Variants in ARSG observed in about 807,000 individuals in gnomAD.
The protein encoded by ARSG is ASG.
Under a neutral mutation model 50.5 loss-of-function variants are expected in ARSG, and 37 were observed. The observed-to-expected ratio is 0.73, with a 90% CI of 0.56 to 0.96. The LOEUF (loss-of-function observed/expected upper bound fraction) is 0.96, where lower values mean the gene tolerates loss of function less well. Among genes scored for constraint, ARSG ranks in the 50% least tolerant of loss-of-function variants. The pLI is 0.00. For synonymous variants in ARSG, 225 were observed against 254.6 expected (o/e 0.88, Z 1.11); for missense variants, 629 against 675.3 (o/e 0.93, Z 0.76).
At chr17:68,262,857 GT>G in intron 1 of ARSG, among the ~76,000 whole-genome samples, 1 of 152,328 alleles carries the variant, frequency 6.6e-6, no homozygotes, top group East Asian at 1.9e-4. Context: ...AAGATGCCTA[GT>G]TTTATATCCA....
intron 1 of ARSG, among the ~76,000 whole-genome samples, chr17:68,272,384 C>T (rs2075371245): frequency 6.6e-6 from 1 of 152,178 alleles, no homozygotes; most frequent in East Asian, 1.9e-4. Flanking sequence ...TTCTGGAATG[C>T]ATGTGTCAAG....
chr17:68,343,725 C>G lies in ARSG; in HGVS notation c.340C>G (p.Leu114Val). ...CTTTGCAGTCACTTCTGTGGGAGGC[C>G]TTCCGCTCAACGAGACCACCTTGGC... ...RNFAVTSVGG[L>V]PLNETTLAEV... The change falls in exon 3 of 12, where the codon CTT becomes GTT. Residue 114 changes from leucine to valine, a missense_variant. Leu to Val is a conservative substitution (Grantham distance 32, BLOSUM62 1). Coordinates refer to ENST00000621439, the MANE Select transcript of ARSG (RefSeq NM_001267727.2). 6.2e-7 allele frequency: 1 copy of G among 1,614,176 alleles called. No homozygotes were observed. The highest frequency in any genetic ancestry group is 8.5e-7 in the Non-Finnish European group (1 of 1,180,012).
chr17:68,287,675 G>A (rs1417648031), upstream of ARSG, among the ~76,000 whole-genome samples: 2 of 152,014 alleles, frequency 1.3e-5, no homozygotes, highest in African/African-American at 2.4e-5. Context: ...CCTGAACCCC[G>A]TCCTACCCCC....
chr17:68,389,013 GAC>G (rs1432557367), intron 9 of ARSG, among the ~76,000 whole-genome samples: 1 of 152,034 alleles, frequency 6.6e-6, no homozygotes, highest in Non-Finnish European at 1.5e-5. Context: ...GGCTCTGAAA[GAC>G]AGTCAGGTGT....
intron 8 of ARSG, among the ~76,000 whole-genome samples, chr17:68,382,626 G>A (rs1457456717): frequency 6.6e-6 from 1 of 152,172 alleles, no homozygotes; most frequent in African/African-American, 2.4e-5. Flanking sequence ...CATAATTAGA[G>A]TACACAATCC....
At chr17:68,269,141 A>C in intron 1 of ARSG, 1 of 1,518,446 alleles carries the variant, frequency 6.6e-7, no homozygotes, top group South Asian at 1.3e-5. Context: ...CATTTTTTGC[A>C]AGATCCATTT....
At chr17:68,401,283 A>T in intron 10 of ARSG, 77 bp from the exon 11 acceptor site, 1 of 1,317,304 alleles carries the variant, frequency 7.6e-7, no homozygotes, top group African/African-American at 1.5e-5. Context: ...TCGACCTCCC[A>T]AGGTATTGGG....
At chr17:68,315,443 C>T (rs1280356421) in intron 2 of ARSG, among the ~76,000 whole-genome samples, 2 of 151,948 alleles carry the variant, frequency 1.3e-5, no homozygotes, top group Admixed American at 6.6e-5. Flanking sequence ...AGGAGGATTG[C>T]TTGAGCCCAG....
At chr17:68,267,956 TA>T (rs753226498) in intron 1 of ARSG, 3 of 152,220 alleles carry the variant, frequency 2.0e-5, no homozygotes, top group Non-Finnish European at 4.4e-5. Context: ...AGAAATGCTT[TA>T]ACAATTCTCT....
chr17:68,416,423 C>G (rs1035029539), intron 11 of ARSG, among the ~76,000 whole-genome samples: 3 of 151,972 alleles, frequency 2.0e-5, no homozygotes, highest in African/African-American at 7.3e-5. Context: ...GTATTTTTGT[C>G]TCATGTTTTT....
At chr17:68,280,527 C>T (rs2145094354) in intron 1 of ARSG, among the ~76,000 whole-genome samples, 1 of 152,314 alleles carries the variant, frequency 6.6e-6, no homozygotes, top group Non-Finnish European at 1.5e-5. Flanking sequence ...GTGCCAAAGA[C>T]ATTCATTGGA....
At chr17:68,351,752 T>A in intron 5 of ARSG, 66 bp downstream of exon 5, 4 of 1,054,742 alleles carry the variant, frequency 3.8e-6, no homozygotes. Context: ...CTGTGGTCCA[T>A]CAGCAATAAA....
Position 68,271,209 on chromosome 17 carries a change from A to G in ARSG, c.-552+11783A>G, listed in dbSNP as rs1373759611. The stretch of plus-strand genomic sequence containing the variant: ...GGTCAATGCCCAGACTAATGCCCAG[A>G]GGAATGATGTACAAGGAAGGTGCAA... On this transcript the variant is annotated intron_variant, in intron 1 of 11. Coordinates refer to the ARSG transcript ENST00000448504. This position sits in a 1 kb window ranked among gnomAD's most constrained non-coding sequence, Gnocchi z 5.3. 1 of 1,614,102 alleles carries G rather than the reference A, an allele frequency of 6.2e-7. No individual in the cohort carries two copies. The highest frequency in any genetic ancestry group is 1.7e-5 in the Admixed American group (1 of 60,032).
At chr17:68,410,845 G>C (rs1057030420) in intron 11 of ARSG, among the ~76,000 whole-genome samples, 1 of 152,168 alleles carries the variant, frequency 6.6e-6, no homozygotes, top group Admixed American at 6.5e-5. Context: ...TCCTGGTTTA[G>C]TCTTGGGAGA....
chr17:68,322,404 G>A (rs1035271129), intron 2 of ARSG, among the ~76,000 whole-genome samples: 7 of 152,156 alleles, frequency 4.6e-5, no homozygotes, highest in Non-Finnish European at 8.8e-5. Flanking sequence ...TGAGGCAGGC[G>A]GATCACAAGG....
At chr17:68,262,734 T>C (rs1426889363) in intron 1 of ARSG, among the ~76,000 whole-genome samples, 1 of 152,136 alleles carries the variant, frequency 6.6e-6, no homozygotes, top group Non-Finnish European at 1.5e-5. Flanking sequence ...CCTGGTGCAG[T>C]TGGCAGAAGC....
At chr17:68,450,824 T>C in the ARSG span, 577 of 1,614,110 alleles carry the variant, frequency 3.6e-4, 3 homozygotes, top group African/African-American at 6.8e-3. Flanking sequence ...TCTGCCGTGG[T>C]TTTGTGTGAC....
intron 2 of ARSG, among the ~76,000 whole-genome samples, chr17:68,307,954 G>C (rs1402606606): frequency 6.6e-6 from 1 of 152,150 alleles, no homozygotes; most frequent in Non-Finnish European, 1.5e-5. Context: ...AGGTGAACAA[G>C]ATAAAACATT....
chr17:68,435,417 G>A, the ARSG span, among the ~76,000 whole-genome samples: 2 of 152,150 alleles, frequency 1.3e-5, no homozygotes, highest in Non-Finnish European at 1.5e-5. Flanking sequence ...CTTGCATATT[G>A]CAGGCCCCTG....
Sources: allele counts gnomAD v4.1 joint callset (sites outside exome capture counted in the v4.1 genomes callset), GRCh38; gene constraint gnomAD v4.1.1; non-coding constraint Gnocchi (gnomAD v3.1); transcripts MANE v1.5; gene names NCBI Gene and HGNC (gene_info 2026-07-23, HGNC 2026-07-21).